CUX2: variants seen among roughly 807,000 people sequenced by gnomAD.
CUX2 encodes the protein homeobox protein cut-like 2.
A neutral mutation model predicts 144.8 loss-of-function variants in CUX2; 40 were observed. The ratio of observed to expected loss-of-function variants is 0.28; its 90% CI spans 0.21 to 0.36. The LOEUF (loss-of-function observed/expected upper bound fraction) is 0.36, where lower values mean the gene tolerates loss of function less well. CUX2 is among the 10% of genes least tolerant of loss of function. The pLI is 1.00. For missense variants in CUX2, 1,615 were observed against 1,994.0 expected, an observed-to-expected ratio of 0.81 and a Z score of 3.62; for synonymous variants, 827 against 875.6, an observed-to-expected ratio of 0.94 and a Z score of 0.98.
At chr12:111,088,285 G>A (rs971682751) in intron 1 of CUX2, among the ~76,000 whole-genome samples, 11 of 152,038 alleles carry the variant, frequency 7.2e-5, no homozygotes, top group Non-Finnish European at 1.6e-4. Flanking sequence ...GGTGAAGGGG[G>A]CAAGAGATCT....
rs1358700195 is a variant in CUX2 at position 111,349,962 on chromosome 12, C to G, written c.*1637C>G. On this transcript the variant is annotated 3_prime_UTR_variant, in exon 22 of 22. Transcript: ENST00000261726. ...CAGAAGGGGACAGATAAGGACCGTT[C>G]CAGAAATCCCAACTCTCACACCCAG... 6.6e-6 allele frequency: 1 copy of G among 152,488 alleles called. No homozygotes were observed. The highest frequency in any genetic ancestry group is 2.1e-4 in the South Asian group (1 of 4,824). The allele number at this position is 152,488 out of a possible 1,614,324, so 9.4% of individuals were successfully genotyped here.
rs528790850 is a variant in CUX2 at position 111,207,008 on chromosome 12, G to T, written c.64-7192G>T. Reference sequence around the variant, plus strand: ...TGTATGTCTGGATGAATGGATAAATGGATGATTAGTTGGGTAGATAGATGT... The same window carrying T: ...TGTATGTCTGGATGAATGGATAAATTGATGATTAGTTGGGTAGATAGATGT... On this transcript the variant is annotated intron_variant, in intron 1 of 21. Transcript: ENST00000261726. 1.2e-3 allele frequency among the ~76,000 whole-genome samples: 181 copies of T among 152,258 alleles called. 1 individual carries two copies. Among genetic ancestry groups the T allele is most frequent in the Non-Finnish European group, 2.3e-3 (157 of 68,018 alleles).
At chr12:111,274,837 G>T (rs1435445082) in intron 4 of CUX2, among the ~76,000 whole-genome samples, 1 of 151,934 alleles carries the variant, frequency 6.6e-6, no homozygotes, top group Non-Finnish European at 1.5e-5. Flanking sequence ...ACAGCCTCTC[G>T]GACAGCCTTT....
chr12:111,277,044 C>T lies in CUX2; in HGVS notation c.301+13205C>T, dbSNP rs1884913367. 6.6e-6 allele frequency among the ~76,000 whole-genome samples: 1 copy of T among 152,198 alleles called. No homozygotes were observed. Among genetic ancestry groups the T allele is most frequent in the South Asian group, 2.1e-4 (1 of 4,830 alleles). On this transcript the variant is annotated intron_variant, in intron 4 of 21. Coordinates refer to ENST00000261726, the MANE Select transcript of CUX2 (RefSeq NM_015267.4). This position sits in a 1 kb window ranked among gnomAD's most constrained non-coding sequence, Gnocchi z 5.0. ...AATTCCAGTTCCTCTGAGCTCTTGG[C>T]TCAGGATATCAGGTGGGGGTCTCAT... is the stretch of plus-strand genomic sequence containing the variant.
rs1885447938 is a variant in CUX2, at chr12:111,287,454, T to C, written c.302-3964T>C. 6.6e-6 allele frequency among the ~76,000 whole-genome samples: 1 copy of C among 152,244 alleles called. No individual in the cohort carries two copies. The highest frequency in any genetic ancestry group is 2.4e-5 in the African/African-American group (1 of 41,464). ...AAAACCGGGACACAATAGGAAGCGTTTCCTTGAACTTATTAAAAAATCCAG... is the reference window on the plus strand; with the variant it reads ...AAAACCGGGACACAATAGGAAGCGTCTCCTTGAACTTATTAAAAAATCCAG... On this transcript the variant is annotated intron_variant, in intron 4 of 21. Transcript: ENST00000261726. This position sits in a 1 kb window ranked among gnomAD's most constrained non-coding sequence, Gnocchi z 4.2.
chr12:111,163,062 A>C (rs1464547592), intron 1 of CUX2, among the ~76,000 whole-genome samples: 7 of 150,774 alleles, frequency 4.6e-5, no homozygotes, highest in Non-Finnish European at 1.0e-4. Flanking sequence ...AAAAAAAAAA[A>C]GGAATTTGGG....
At chr12:111,328,020 T>C (rs1887897311) in intron 18 of CUX2, among the ~76,000 whole-genome samples, 2 of 152,032 alleles carry the variant, frequency 1.3e-5, no homozygotes, top group South Asian at 4.1e-4. Flanking sequence ...CTGGAGTGAG[T>C]GCCTTCCAGT....
rs545254857 is a variant in CUX2, at chr12:111,162,548, G to A, written c.64-51652G>A. ...AAGAACTCAATGGCTCACTGGGACA[G>A]CTCTCTCCATCACAGCGATGATGGG... On this transcript the variant is annotated intron_variant, in intron 1 of 21. Coordinates refer to ENST00000261726, the MANE Select transcript of CUX2 (RefSeq NM_015267.4). Among the ~76,000 whole-genome samples the A allele has an allele frequency of 1.4e-4, 21 of 152,364 alleles. 1 individual carries two copies. The highest frequency in any genetic ancestry group is 5.0e-4 in the African/African-American group (21 of 41,592).
At chr12:111,206,954 C>T (rs1399544408) in intron 1 of CUX2, among the ~76,000 whole-genome samples, 2 of 152,010 alleles carry the variant, frequency 1.3e-5, no homozygotes, top group Non-Finnish European at 2.9e-5. Flanking sequence ...TGGATGAATG[C>T]ATAAATGGAT....
In CUX2 at chr12:111,320,521, G is replaced by A; in HGVS notation, c.2512G>A (p.Ala838Thr). 6.4e-7 allele frequency: 1 copy of A among 1,568,432 alleles called. No individual in the cohort carries two copies. The highest frequency in any genetic ancestry group is 8.6e-7 in the Non-Finnish European group (1 of 1,164,224). Residue 838 changes from alanine to threonine, a missense_variant, in exon 17 of 22, where the codon GCG (alanine) becomes ACG (threonine). Ala to Thr is a moderately conservative substitution (Grantham distance 58). Transcript: ENST00000261726. This position sits in a 1 kb window ranked among gnomAD's most constrained non-coding sequence, Gnocchi z 8.1. ...DEAPVPPEDE[A>T]AAGAEDEPPR... The stretch of plus-strand genomic sequence containing the variant: ...GGCCCCTGTGCCCCCCGAGGACGAG[G>A]CGGCGGCAGGGGCGGAGGACGAACC...
At chr12:111,275,429 G>C (rs1388882693) in intron 4 of CUX2, among the ~76,000 whole-genome samples, 2 of 152,328 alleles carry the variant, frequency 1.3e-5, no homozygotes, top group East Asian at 3.9e-4. Flanking sequence ...GGAGTGAGTA[G>C]GGAAATGAAG....
intron 1 of CUX2, among the ~76,000 whole-genome samples, chr12:111,051,027 T>G (rs1197249342): frequency 6.6e-6 from 1 of 152,218 alleles, no homozygotes; most frequent in Non-Finnish European, 1.5e-5. Context: ...AGTACCTGGG[T>G]GATGGATATC....
In CUX2 at chr12:111,034,588, C is replaced by G. The variant is rs1015564203; in HGVS notation, c.63+348C>G. On this transcript the variant is annotated intron_variant, in intron 1 of 21. Transcript: ENST00000261726. The surrounding 1 kb of genome is among the most constrained non-coding windows in gnomAD (Gnocchi z 4.2). ...GCTGCTGGCGGGAACCCCCGGCGGTCCCCCCTGAGCCGCACTTTGCGCGCC... is the reference window on the plus strand; with the variant it reads ...GCTGCTGGCGGGAACCCCCGGCGGTGCCCCCTGAGCCGCACTTTGCGCGCC... 7.3e-5 allele frequency among the ~76,000 whole-genome samples: 11 copies of G among 151,216 alleles called. No individual in the cohort carries two copies. Among genetic ancestry groups the G allele is most frequent in the African/African-American group, 2.4e-4 (10 of 41,362 alleles).
At position 111,333,787 on chromosome 12, in the gene CUX2, A is replaced by G. The variant is rs1204054221; in HGVS notation, c.2927-654A>G. On this transcript the variant is annotated intron_variant, in intron 18 of 21. Coordinates refer to ENST00000261726, the MANE Select transcript of CUX2 (RefSeq NM_015267.4). Reference sequence around the variant, plus strand: ...CGCAGGAGAATCGCTTGAACCCGGGAAAGAGGTTGCAGTGAGCCGAGATCG... The same window carrying G: ...CGCAGGAGAATCGCTTGAACCCGGGGAAGAGGTTGCAGTGAGCCGAGATCG... Among the ~76,000 whole-genome samples the G allele has an allele frequency of 2.0e-5, 3 of 151,478 alleles. 1 individual carries two copies. The South Asian group carries it at 6.3e-4, about 32-fold the overall frequency.
intron 1 of CUX2, among the ~76,000 whole-genome samples, chr12:111,194,207 T>C (rs1487645097): frequency 6.6e-6 from 1 of 152,128 alleles, no homozygotes; most frequent in Non-Finnish European, 1.5e-5. Flanking sequence ...TCTCTGTGCC[T>C]CAGCGGTGCT....
chr12:111,137,239 T>C (rs1875952942), intron 1 of CUX2, among the ~76,000 whole-genome samples: 1 of 151,426 alleles, frequency 6.6e-6, no homozygotes, highest in African/African-American at 2.4e-5. Context: ...CCATCCAAAA[T>C]CCACTGTAAA....
At chr12:111,118,493 T>C (rs1874431136) in intron 1 of CUX2, among the ~76,000 whole-genome samples, 1 of 152,192 alleles carries the variant, frequency 6.6e-6, no homozygotes, top group South Asian at 2.1e-4. Flanking sequence ...CAGGGCTTTT[T>C]TCCCCCTGTA....
chr12:111,185,890 T>C (rs917695985), intron 1 of CUX2, among the ~76,000 whole-genome samples: 1 of 151,852 alleles, frequency 6.6e-6, no homozygotes, highest in African/African-American at 2.4e-5. Context: ...GTAGTTGGTC[T>C]CTCATTCTCC....
intron 1 of CUX2, among the ~76,000 whole-genome samples, chr12:111,060,078 A>T (rs959543123): frequency 1.3e-5 from 2 of 152,040 alleles, no homozygotes; most frequent in African/African-American, 4.8e-5. Flanking sequence ...GCTGTGAGAG[A>T]TCTTTATTGA....
Sources: allele counts gnomAD v4.1 joint callset (sites outside exome capture counted in the v4.1 genomes callset), GRCh38; gene constraint gnomAD v4.1.1; non-coding constraint Gnocchi (gnomAD v3.1); transcripts MANE v1.5; gene names NCBI Gene and HGNC (gene_info 2026-07-23, HGNC 2026-07-21).